Variants in NEBL observed in about 807,000 individuals in gnomAD.
NEBL encodes nebulette, also known as LIM and SH3 protein 2.
In NEBL, 122 loss-of-function variants were observed where a neutral mutation model predicts 140.2. The ratio of observed to expected loss-of-function variants is 0.87; its 90% CI spans 0.75 to 1.01. NEBL has a LOEUF of 1.01. Ranked by LOEUF, NEBL falls within the 50% of genes least tolerant of loss-of-function variation. The probability of loss-of-function intolerance (pLI) is 0.00; values close to 1 mark genes in which losing one functional copy is unlikely to be tolerated. For synonymous variants in NEBL, 436 were observed against 398.9 expected (o/e 1.09, Z -1.11); for missense variants, 1,365 against 1,231.3 (o/e 1.11, Z -1.62).
At chr10:21,258,828 G>A (rs527249856) in intron 1 of NEBL, among the ~76,000 whole-genome samples, 185 of 152,262 alleles carry the variant, frequency 1.2e-3, no homozygotes, top group African/African-American at 4.0e-3. Flanking sequence ...GCAATGAGCC[G>A]AGATCACGGC....
intron 2 of NEBL, among the ~76,000 whole-genome samples, chr10:21,122,943 G>A (rs948765887): frequency 2.0e-5 from 3 of 152,070 alleles, no homozygotes; most frequent in African/African-American, 7.2e-5. Context: ...AGAATCAGGG[G>A]TCCCACATAT....
chr10:20,936,933 C>A (rs913847346), intron 4 of NEBL, among the ~76,000 whole-genome samples: 2 of 152,156 alleles, frequency 1.3e-5, no homozygotes, highest in Non-Finnish European at 2.9e-5. Flanking sequence ...GGAAATGGGA[C>A]CTTTCATCAA....
intron 9 of NEBL, 81 bp from the exon 10 acceptor site, chr10:20,852,730 A>G: frequency 8.4e-7 from 1 of 1,187,170 alleles, no homozygotes; most frequent in Non-Finnish European, 1.2e-6. Context: ...CAAACTGCAC[A>G]TTACAAGCCA....
At chr10:20,949,596 T>C (rs1041390578) in intron 4 of NEBL, among the ~76,000 whole-genome samples, 15 of 152,196 alleles carry the variant, frequency 9.9e-5, no homozygotes, top group African/African-American at 3.6e-4. Context: ...AAAACATATT[T>C]ATGAATTTTT....
exon 1 of NEBL, chr10:21,174,126 G>A: frequency 1.5e-5 from 11 of 717,772 alleles, no homozygotes; most frequent in Non-Finnish European, 1.9e-5. Context: ...GACTCACACA[G>A]TCACTCGCGC....
At chr10:21,065,639 T>C (rs995417741) in intron 2 of NEBL, among the ~76,000 whole-genome samples, 1 of 152,234 alleles carries the variant, frequency 6.6e-6, no homozygotes, top group African/African-American at 2.4e-5. Context: ...ACCTCTAGCA[T>C]CTTCACACAA....
intron 4 of NEBL, among the ~76,000 whole-genome samples, chr10:20,946,886 G>A (rs1178387057): frequency 1.3e-5 from 2 of 152,066 alleles, no homozygotes; most frequent in African/African-American, 4.8e-5. Flanking sequence ...CTAAACTGAT[G>A]GGTTTTTTTG....
chr10:21,270,337 T>C (rs1362333283), intron 1 of NEBL, among the ~76,000 whole-genome samples: 1 of 151,852 alleles, frequency 6.6e-6, no homozygotes, highest in Admixed American at 6.6e-5. Context: ...AAAACTCTTA[T>C]AATCTGATAG....
intron 5 of NEBL, among the ~76,000 whole-genome samples, chr10:20,873,370 A>T (rs1431012852): frequency 4.6e-5 from 7 of 152,150 alleles, no homozygotes; most frequent in Non-Finnish European, 8.8e-5. Flanking sequence ...AACTCAGCAG[A>T]GATGTGAACT....
chr10:21,188,975 A>G (rs752896390), intron 3 of NEBL, among the ~76,000 whole-genome samples: 1 of 152,150 alleles, frequency 6.6e-6, no homozygotes, highest in Non-Finnish European at 1.5e-5. Flanking sequence ...GTCACCTACA[A>G]TATATATAAG....
intron 2 of NEBL, chr10:21,125,870 CT>C: frequency 6.2e-7 from 1 of 1,613,952 alleles, no homozygotes; most frequent in South Asian, 1.1e-5. Context: ...TTGAACTTTT[CT>C]TTTATGCCCT....
chr10:21,092,045 T>A (rs1395869883), intron 2 of NEBL, among the ~76,000 whole-genome samples: 1 of 152,248 alleles, frequency 6.6e-6, no homozygotes, highest in Non-Finnish European at 1.5e-5. Flanking sequence ...GCGATTTTAG[T>A]TATGTCGTAT....
intron 3 of NEBL, among the ~76,000 whole-genome samples, chr10:21,228,817 A>G (rs1220491086): frequency 6.6e-6 from 1 of 152,222 alleles, no homozygotes; most frequent in African/African-American, 2.4e-5. Context: ...TGTTACAGTC[A>G]TTCATTTTAC....
intron 4 of NEBL, among the ~76,000 whole-genome samples, chr10:20,932,589 AT>A (rs530558682): frequency 6.6e-6 from 1 of 152,160 alleles, no homozygotes; most frequent in Non-Finnish European, 1.5e-5. Flanking sequence ...TTAAAGTAAA[AT>A]TTTTTTAAAA....
chr10:21,082,751 G>A (rs953122903), intron 2 of NEBL, among the ~76,000 whole-genome samples: 2 of 142,084 alleles, frequency 1.4e-5, no homozygotes, highest in Non-Finnish European at 3.0e-5. Context: ...GGGATATGCA[G>A]GAGGGATGCA....
chr10:20,972,222 G>C (rs891787874), intron 3 of NEBL, among the ~76,000 whole-genome samples: 1 of 152,096 alleles, frequency 6.6e-6, no homozygotes, highest in Non-Finnish European at 1.5e-5. Flanking sequence ...TCAAAGTCTC[G>C]TCACAGCTGA....
intron 4 of NEBL, among the ~76,000 whole-genome samples, chr10:20,931,392 C>T (rs4747428): frequency 1.3e-5 from 2 of 152,012 alleles, no homozygotes; most frequent in African/African-American, 2.4e-5. Flanking sequence ...TATATAAATA[C>T]GTTTATAAAT....
At chr10:21,067,516 C>T (rs924611895) in intron 2 of NEBL, among the ~76,000 whole-genome samples, 1 of 152,020 alleles carries the variant, frequency 6.6e-6, no homozygotes, top group African/African-American at 2.4e-5. Context: ...GTAAGAGAAA[C>T]AGTTATGTAT....
intron 2 of NEBL, among the ~76,000 whole-genome samples, chr10:20,894,745 T>A (rs1287594790): frequency 8.6e-6 from 1 of 116,174 alleles, no homozygotes; most frequent in Non-Finnish European, 1.8e-5. Context: ...AAACCCCGTC[T>A]CTACTAAAAA....
Sources: allele counts gnomAD v4.1 joint callset (sites outside exome capture counted in the v4.1 genomes callset), GRCh38; gene constraint gnomAD v4.1.1; transcripts MANE v1.5; gene names NCBI Gene and HGNC (gene_info 2026-07-23, HGNC 2026-07-21).